SIRT6: variants seen among roughly 807,000 people sequenced by gnomAD.
SIRT6 encodes the protein NAD-dependent protein deacylase sirtuin-6.
In SIRT6, 21 loss-of-function variants were observed where a neutral mutation model predicts 33.6. The ratio of observed to expected loss-of-function variants is 0.62; its 90% confidence interval spans 0.44 to 0.90. The LOEUF (loss-of-function observed/expected upper bound fraction) is 0.90. Ranked by LOEUF, SIRT6 falls within the 40% of genes least tolerant of loss-of-function variation. The pLI is 0.00. For synonymous variants in SIRT6, 221 were observed against 223.9 expected (o/e 0.99, Z 0.12); for missense variants, 504 against 510.6 (o/e 0.99, Z 0.12).
chr19:4,182,291 G>C (rs1171985026), intron 1 of SIRT6, 183 bp downstream of exon 1: 2 of 597,960 alleles, frequency 3.3e-6, no homozygotes, highest in East Asian at 6.4e-5. Flanking sequence ...TGACCACAGA[G>C]TTGGGCGTGT....
chr19:4,176,995 TA>T, intron 4 of SIRT6, 83 bp downstream of exon 4: 1 of 1,063,664 alleles, frequency 9.4e-7, no homozygotes, highest in Non-Finnish European at 1.3e-6. Context: ...AGTCCCCCCA[TA>T]CCCTCTGGGT....
rs201577704 is a variant in SIRT6, at chr19:4,179,174, G to A, written c.307C>T (p.Arg103Cys). The stretch of plus-strand genomic sequence containing the variant: ...ACCAGGAAGCGGAGGAGGCCCACGC[G>A]CTCCAGCTGCACCAGCGCCATGTGG... ...QTHMALVQLE[R>C]VGLLRFLVSQ... The change falls in exon 3 of 8, where the codon CGC becomes TGC. Residue 103 changes from arginine (R) to cysteine (C), a missense_variant. Transcript: ENST00000337491. The A allele has an allele frequency of 3.1e-6, 5 of 1,611,942 alleles. No individual in the cohort carries two copies. The highest frequency in any genetic ancestry group is 2.2e-5 in the East Asian group (1 of 44,846).
At position 4,174,905 on chromosome 19, in the gene SIRT6, C is replaced by A; in HGVS notation, c.780G>T (p.Glu260Asp). ...ADLRIHGYVD[E>D]VMTRLMKHLG... ...GGTGCTTCATGAGCCGGGTCATGAC[C>A]TCGTCAACGTAGCCATGGATGCGGA... Residue 260 changes from glutamate (E) to aspartate (D), a missense_variant, in exon 8 of 8, where the codon GAG (glutamate) becomes GAT (aspartate). By Grantham distance (45) the Glu-to-Asp change is conservative. Transcript: ENST00000337491. The surrounding 1 kb of genome is among the most constrained non-coding windows in gnomAD (Gnocchi z 4.2). The A allele has an allele frequency of 1.2e-6, 2 of 1,604,634 alleles. No individual in the cohort carries two copies. Among genetic ancestry groups the A allele is most frequent in the Non-Finnish European group, 1.7e-6 (2 of 1,179,754 alleles).
chr19:4,174,760 C>G lies in SIRT6; in HGVS notation c.925G>C (p.Gly309Arg). The G allele has an allele frequency of 1.5e-6, 2 of 1,306,404 alleles. No homozygotes were observed. Among genetic ancestry groups the G allele is most frequent in the Non-Finnish European group, 2.0e-6 (2 of 1,013,728 alleles). The allele number at this position is 1,306,404 out of a possible 1,614,324, so 80.9% of individuals were successfully genotyped here. A position where few individuals can be genotyped will look rare whatever the true frequency, so the allele number is the denominator to read the frequency against. ...TGCTTGGGGCCGGCGGGGATAGAGCCGTTGATCCGGGTGGGAGATTCCTCC... is the reference window on the plus strand; with the variant it reads ...TGCTTGGGGCCGGCGGGGATAGAGCGGTTGATCCGGGTGGGAGATTCCTCC... ...PKEESPTRINGSIPAGPKQEP... is the reference protein window; with the variant it reads ...PKEESPTRINRSIPAGPKQEP... Residue 309 changes from glycine to arginine, a missense_variant, in exon 8 of 8, where the codon GGC (glycine) becomes CGC (arginine). Gly to Arg is a moderately radical substitution (Grantham distance 125, BLOSUM62 -2). Transcript: ENST00000337491. The surrounding 1 kb of genome is among the most constrained non-coding windows in gnomAD (Gnocchi z 4.2).
At chr19:4,177,034 C>A (rs757425866) in intron 4 of SIRT6, 45 bp downstream of exon 4, 5 of 1,557,560 alleles carry the variant, frequency 3.2e-6, no homozygotes, top group Non-Finnish European at 2.6e-6. Context: ...CGACCCCCAA[C>A]CCCCTCTGGC....
chr19:4,177,439 A>T (rs1248804608), intron 3 of SIRT6, among the ~76,000 whole-genome samples: 1 of 152,142 alleles, frequency 6.6e-6, no homozygotes, highest in African/African-American at 2.4e-5. Flanking sequence ...CTCCGAGAGC[A>T]TATGGGAACC....
chr19:4,175,321 G>T (rs1005905149), intron 6 of SIRT6, 170 bp from the exon 7 acceptor site: 6 of 897,112 alleles, frequency 6.7e-6, no homozygotes, highest in Non-Finnish European at 9.9e-6. Flanking sequence ...TCTGCGGTCC[G>T]TTGGCGGGGT....
rs199958279 is a variant in SIRT6 at position 4,177,149 on chromosome 19, A to G, written c.378-11T>C. On this transcript the variant is annotated splice_polypyrimidine_tract_variant and intron_variant, in intron 3 of 7. Coordinates refer to ENST00000337491, the MANE Select transcript of SIRT6 (RefSeq NM_016539.4). ...TCTGCCAGTTTGTCCCTGTGGGAAG[A>G]GCAGGAAGAGGCTTGATGGTGGGAA... is the stretch of plus-strand genomic sequence containing the variant. The G allele has an allele frequency of 8.0e-5, 129 of 1,613,624 alleles. 1 individual carries two copies. The highest frequency in any genetic ancestry group is 9.2e-5 in the Non-Finnish European group (108 of 1,179,866).
Position 4,179,251 on chromosome 19 carries a change from C to T in SIRT6, c.230G>A (p.Gly77Asp). The T allele has an allele frequency of 6.2e-7, 1 of 1,607,746 alleles. No individual in the cohort carries two copies. The highest frequency in any genetic ancestry group is 8.5e-7 in the Non-Finnish European group (1 of 1,177,640). ...PHGVWTMEER[G>D]LAPKFDTTFE... ...GGTGGTGTCGAACTTGGGGGCCAGA[C>T]CTCGCTCCTCCATGGTCCAGACTCC... The change falls in exon 3 of 8, where the codon GGT becomes GAT. Residue 77 changes from glycine to aspartate, a missense_variant. By Grantham distance (94) the Gly-to-Asp change is moderately conservative. Transcript: ENST00000337491.
At chr19:4,181,009 G>A (rs1384451133) in intron 1 of SIRT6, 100 bp from the exon 2 acceptor site, 2 of 1,447,286 alleles carry the variant, frequency 1.4e-6, no homozygotes, top group African/African-American at 2.9e-5. Context: ...TTGCCTGAGG[G>A]AGGAAAATGG....
At chr19:4,181,937 T>C (rs1862686758) in intron 1 of SIRT6, among the ~76,000 whole-genome samples, 1 of 152,156 alleles carries the variant, frequency 6.6e-6, no homozygotes, top group Non-Finnish European at 1.5e-5. Flanking sequence ...TTCACCTCGT[T>C]TGCAGAAAGT....
chr19:4,176,064 C>A, intron 4 of SIRT6, 127 bp from the exon 5 acceptor site: 1 of 699,312 alleles, frequency 1.4e-6, no homozygotes, highest in South Asian at 1.8e-5. Flanking sequence ...TAGCACCCAG[C>A]GACACGGAAC....
At chr19:4,177,239 G>C (rs370348809) in intron 3 of SIRT6, 101 bp from the exon 4 acceptor site, 13 of 1,046,724 alleles carry the variant, frequency 1.2e-5, no homozygotes, top group African/African-American at 3.1e-5. Flanking sequence ...AAGGCTTCCC[G>C]GACTCCTCTC....
In SIRT6 at chr19:4,174,728, G is replaced by A; in HGVS notation, c.957C>T (p.Pro319=). 3.4e-6 allele frequency: 5 copies of A among 1,485,848 alleles called. No homozygotes were observed. The South Asian group carries it at 6.8e-5, about 20-fold the overall frequency. The allele number at this position is 1,485,848 out of a possible 1,614,324, so 92.0% of individuals were successfully genotyped here. ...GSIPAGPKQE[P]CAQHNGSEPA... is the part of the protein sequence containing the mutation. ...GCTCTGAGCCGTTGTGCTGGGCGCA[G>A]GGCTCCTGCTTGGGGCCGGCGGGGA... Residue 319 remains proline, a synonymous_variant, in exon 8 of 8, where the codon CCC becomes CCT. Coordinates refer to ENST00000337491, the MANE Select transcript of SIRT6 (RefSeq NM_016539.4). This position sits in a 1 kb window ranked among gnomAD's most constrained non-coding sequence, Gnocchi z 4.2.
rs1599352896 is a variant in SIRT6, at chr19:4,174,342, G to A, written c.*275C>T. ...CTGTTTAAGCTGGAGACCAGGGAGGGCCCAGCCTCACCTCTGGACAACACA... is the reference window on the plus strand; with the variant it reads ...CTGTTTAAGCTGGAGACCAGGGAGGACCCAGCCTCACCTCTGGACAACACA... On this transcript the variant is annotated 3_prime_UTR_variant, in exon 8 of 8. Coordinates refer to ENST00000337491, the MANE Select transcript of SIRT6 (RefSeq NM_016539.4). The surrounding 1 kb of genome is among the most constrained non-coding windows in gnomAD (Gnocchi z 4.2). The A allele has an allele frequency of 9.1e-6, 3 of 331,032 alleles. No homozygotes were observed. The highest frequency in any genetic ancestry group is 2.1e-5 in the African/African-American group (1 of 46,884). 20.5% of individuals were successfully genotyped at this position (331,032 alleles called of 1,614,324 possible). A position where few individuals can be genotyped will look rare whatever the true frequency, so the allele number is the denominator to read the frequency against.
At chr19:4,181,450 G>A (rs964251633) in intron 1 of SIRT6, among the ~76,000 whole-genome samples, 1 of 152,192 alleles carries the variant, frequency 6.6e-6, no homozygotes, top group African/African-American at 2.4e-5. Context: ...TACCTAGAAA[G>A]TGCCTGAGCT....
At chr19:4,175,256 C>T (rs1054722178) in intron 6 of SIRT6, 105 bp from the exon 7 acceptor site, 72 of 1,429,004 alleles carry the variant, frequency 5.0e-5, no homozygotes, top group African/African-American at 9.9e-5. Flanking sequence ...CTCACCGGGG[C>T]GGTCAAGGCC....
intron 1 of SIRT6, among the ~76,000 whole-genome samples, chr19:4,182,044 A>G (rs1274916860): frequency 6.6e-6 from 1 of 152,022 alleles, no homozygotes; most frequent in Admixed American, 6.6e-5. Flanking sequence ...GAGTGGCTGG[A>G]GGGATCTTTC....
In SIRT6 at chr19:4,174,527, C is replaced by T. The variant is rs914571108; in HGVS notation, c.*90G>A. On this transcript the variant is annotated 3_prime_UTR_variant, in exon 8 of 8. Coordinates refer to ENST00000337491, the MANE Select transcript of SIRT6 (RefSeq NM_016539.4). This position sits in a 1 kb window ranked among gnomAD's most constrained non-coding sequence, Gnocchi z 4.2. ...ACAGCTCTCAGAGCCCTGAGGCTCC[C>T]GGGGACAGAAACAAGTAACAAAGTG... 44 of 1,239,966 alleles carry T rather than the reference C, an allele frequency of 3.5e-5. No individual in the cohort carries two copies. The highest frequency in any genetic ancestry group is 4.7e-5 in the African/African-American group (3 of 64,152). 76.8% of individuals were successfully genotyped at this position (1,239,966 alleles called of 1,614,324 possible). A position where few individuals can be genotyped will look rare whatever the true frequency, so the allele number is the denominator to read the frequency against.
Sources: gnomAD v4.1 joint callset for allele counts (sites outside exome capture counted in the v4.1 genomes callset) on GRCh38, gnomAD v4.1.1 for gene constraint, Gnocchi (gnomAD v3.1) non-coding constraint, MANE v1.5 for transcripts, NCBI Gene and HGNC (gene_info 2026-07-23, HGNC 2026-07-21) for gene names.